The following RNF182 variants were observed in gnomAD, a reference collection of about 807,000 sequenced individuals.
RNF182 encodes ring finger protein 182, also known as E3 ubiquitin-protein ligase RNF182.
In RNF182, 15 loss-of-function variants were observed where a neutral mutation model predicts 14.4. The observed-to-expected ratio is 1.04, with a 90% CI of 0.70 to 1.60. The LOEUF (loss-of-function observed/expected upper bound fraction) is 1.60. Ranked by LOEUF, RNF182 falls within the 40% of genes most tolerant of loss-of-function variation. The pLI, the probability that RNF182 is intolerant of heterozygous loss-of-function variation, is 0.00. For missense variants in RNF182, 268 were observed against 294.8 expected, an observed-to-expected ratio of 0.91 and a Z score of 0.67; for synonymous variants, 128 against 122.9, an observed-to-expected ratio of 1.04 and a Z score of -0.27.
At chr6:13,930,961 T>C (rs1758954302) in intron 1 of RNF182, among the ~76,000 whole-genome samples, 1 of 152,226 alleles carries the variant, frequency 6.6e-6, no homozygotes, top group Admixed American at 6.5e-5. Flanking sequence ...AAAAAATGCC[T>C]TTCTGCTGCA....
At chr6:13,964,244 G>C (rs180809034) in intron 1 of RNF182, among the ~76,000 whole-genome samples, 48 of 152,298 alleles carry the variant, frequency 3.2e-4, no homozygotes, top group Non-Finnish European at 5.9e-4. Flanking sequence ...CTTAGAATGA[G>C]ACAGTTTGAT....
chr6:13,925,651 G>C (rs1456140891), intron 1 of RNF182, among the ~76,000 whole-genome samples: 1 of 152,152 alleles, frequency 6.6e-6, no homozygotes, highest in Admixed American at 6.5e-5. Context: ...GAGCAGTACC[G>C]ATACTTTGTC....
intron 1 of RNF182, among the ~76,000 whole-genome samples, chr6:13,950,275 G>C (rs1759554080): frequency 6.6e-6 from 1 of 152,134 alleles, no homozygotes; most frequent in African/African-American, 2.4e-5. Flanking sequence ...GACCTTCCCA[G>C]CCTAGTCAGG....
In RNF182 at chr6:13,927,776, G is replaced by A. The variant is rs573540295; in HGVS notation, c.-367+2753G>A. ...TTGCACTGTGATAACATGATTACTG[G>A]TTGGTAATTTAGCATCTAGTGCAAT... On this transcript the variant is annotated intron_variant, in intron 1 of 2. Coordinates refer to ENST00000488300, the MANE Select transcript of RNF182 (RefSeq NM_152737.4). Among the ~76,000 whole-genome samples the A allele has an allele frequency of 5.9e-5, 9 of 152,360 alleles. No homozygotes were observed. The South Asian group carries it at 1.9e-3, about 32-fold the overall frequency.
intron 1 of RNF182, among the ~76,000 whole-genome samples, chr6:13,930,426 T>C (rs1758938793): frequency 6.6e-6 from 1 of 152,158 alleles, no homozygotes; most frequent in Non-Finnish European, 1.5e-5. Flanking sequence ...TGTTGATCCA[T>C]TTGCATTGCC....
intron 1 of RNF182, 21 bp from the exon 2 acceptor site, chr6:13,974,189 T>C (rs1431537287): frequency 6.6e-6 from 1 of 152,154 alleles, no homozygotes; most frequent in East Asian, 1.9e-4. Flanking sequence ...ACAATCACCA[T>C]GCTCTTTTCT....
At chr6:13,939,975 G>C (rs1020137484) in intron 1 of RNF182, among the ~76,000 whole-genome samples, 2 of 152,114 alleles carry the variant, frequency 1.3e-5, no homozygotes, top group African/African-American at 4.8e-5. Flanking sequence ...AAAGAGCTTT[G>C]TTTCTTTCTT....
At chr6:13,940,752 T>A (rs1359715327) in intron 1 of RNF182, among the ~76,000 whole-genome samples, 1 of 152,130 alleles carries the variant, frequency 6.6e-6, no homozygotes, top group Admixed American at 6.5e-5. Context: ...AAGCATGGCT[T>A]TAATAGTATG....
At chr6:13,973,790 A>G (rs922329266) in intron 1 of RNF182, among the ~76,000 whole-genome samples, 3 of 152,234 alleles carry the variant, frequency 2.0e-5, no homozygotes, top group African/African-American at 7.2e-5. Flanking sequence ...ATGGACTAAT[A>G]AACCTGACAT....
Position 13,953,808 on chromosome 6 carries a change from G to A in RNF182, c.-366-20402G>A, listed in dbSNP as rs140844752. Among the ~76,000 whole-genome samples the A allele has an allele frequency of 1.1e-3, 174 of 152,214 alleles. 1 individual carries two copies. In the East Asian group the frequency reaches 0.029, roughly 25 times the overall value. On this transcript the variant is annotated intron_variant, in intron 1 of 2. Coordinates refer to ENST00000488300, the MANE Select transcript of RNF182 (RefSeq NM_152737.4). ...GCGTGGTAATGGCTGAGTTCCTTAT[G>A]GGCTCCCCCTCTAGACTGTATATTT...
intron 1 of RNF182, among the ~76,000 whole-genome samples, chr6:13,925,934 C>G (rs574453542): frequency 3.3e-5 from 5 of 152,098 alleles, no homozygotes; most frequent in Admixed American, 3.3e-4. Flanking sequence ...TTGTTGCAGA[C>G]GCGAAGCACA....
At chr6:13,938,175 A>ATTTTTTTTT (rs1169253099) in intron 1 of RNF182, among the ~76,000 whole-genome samples, 110 of 92,364 alleles carry the variant, frequency 1.2e-3, no homozygotes, top group South Asian at 1.5e-3. Flanking sequence ...AATTTTTTGT[A>ATTTTTTTTT]TTTTTTTTTT....
chr6:13,954,360 A>AT (rs1253089054), intron 1 of RNF182, among the ~76,000 whole-genome samples: 1 of 151,986 alleles, frequency 6.6e-6, no homozygotes, highest in East Asian at 1.9e-4. Flanking sequence ...CCCCTTCCCC[A>AT]TTGGTTGGTT....
chr6:13,956,739 T>C (rs1362475678), intron 1 of RNF182, among the ~76,000 whole-genome samples: 1 of 152,214 alleles, frequency 6.6e-6, no homozygotes, highest in African/African-American at 2.4e-5. Flanking sequence ...AGACTAATTA[T>C]GACCGTCTTC....
At chr6:13,932,037 C>G (rs1000004207) in intron 1 of RNF182, among the ~76,000 whole-genome samples, 1 of 152,176 alleles carries the variant, frequency 6.6e-6, no homozygotes, top group African/African-American at 2.4e-5. Context: ...CTGCCAGCAC[C>G]TTAATCTTGG....
chr6:13,929,288 T>A (rs1170214596), intron 1 of RNF182, among the ~76,000 whole-genome samples: 2 of 152,220 alleles, frequency 1.3e-5, no homozygotes, highest in Admixed American at 1.3e-4. Context: ...TGAGAAGTTG[T>A]GTTTCTGATC....
intron 1 of RNF182, among the ~76,000 whole-genome samples, chr6:13,972,015 G>C (rs1057232999): frequency 6.6e-6 from 1 of 152,150 alleles, no homozygotes; most frequent in African/African-American, 2.4e-5. Flanking sequence ...AAGGGAAACA[G>C]AGCGGCTGGG....
chr6:13,949,319 A>G (rs1177845248), intron 1 of RNF182: 8 of 774,554 alleles, frequency 1.0e-5, no homozygotes, highest in Non-Finnish European at 1.9e-5. Flanking sequence ...TCCTGCGGTA[A>G]TCTTTAATAG....
At position 13,977,195 on chromosome 6, in the gene RNF182, C is replaced by T. The variant is rs201967624; in HGVS notation, c.76C>T (p.Arg26Ter). The change falls in exon 3 of 3, where the codon CGA becomes TGA. Residue 26 changes from arginine to a stop codon, truncating the protein, a stop_gained. Transcript: ENST00000488300. LOFTEE classifies it high-confidence loss of function. Reference sequence around the variant, plus strand: ...GCTGGAGTGCAAAATCTGTTACAATCGATACAATCTGAAACAGAGGAAACC... The same window carrying T: ...GCTGGAGTGCAAAATCTGTTACAATTGATACAATCTGAAACAGAGGAAACC... ...DELECKICYN[R>*]YNLKQRKPKV... The T allele has an allele frequency of 5.5e-5, 88 of 1,613,918 alleles. No homozygotes were observed. Among genetic ancestry groups the T allele is most frequent in the Non-Finnish European group, 6.8e-5 (80 of 1,179,960 alleles).
Sources: allele counts gnomAD v4.1 joint callset (sites outside exome capture counted in the v4.1 genomes callset), GRCh38; gene constraint gnomAD v4.1.1; transcripts MANE v1.5; gene names NCBI Gene and HGNC (gene_info 2026-07-23, HGNC 2026-07-21).